The following ADGRB3 variants were observed in gnomAD, a reference collection of about 807,000 sequenced individuals.
ADGRB3 encodes brain-specific angiogenesis inhibitor 3.
A neutral mutation model predicts 193.4 loss-of-function variants in ADGRB3; 37 were observed. The observed-to-expected ratio is 0.19, with a 90% CI of 0.15 to 0.25. The LOEUF (loss-of-function observed/expected upper bound fraction) is 0.25. Ranked by LOEUF, ADGRB3 falls within the 10% of genes least tolerant of loss-of-function variation. The pLI is 1.00. For missense variants in ADGRB3, 1,637 were observed against 1,852.9 expected (o/e 0.88, Z 2.14); for synonymous variants, 690 against 644.2 (o/e 1.07, Z -1.08).
At chr6:68,831,321 AAAAAG>A (rs769680962) in intron 3 of ADGRB3, among the ~76,000 whole-genome samples, 1 of 135,742 alleles carries the variant, frequency 7.4e-6, no homozygotes, top group Non-Finnish European at 1.6e-5. Context: ...AAAAAAAAAA[AAAAAG>A]CTGATTTTAC....
chr6:69,266,973 AT>A (rs745506671), intron 20 of ADGRB3, among the ~76,000 whole-genome samples: 1 of 152,014 alleles, frequency 6.6e-6, no homozygotes, highest in Non-Finnish European at 1.5e-5. Context: ...TTGCAGAAGT[AT>A]TTTTTGTATA....
intron 17 of ADGRB3, among the ~76,000 whole-genome samples, chr6:69,131,713 G>A (rs887396196): frequency 3.3e-5 from 5 of 151,896 alleles, no homozygotes; most frequent in Admixed American, 3.3e-4. Context: ...TGCCATGGTG[G>A]TTTGCTACAC....
intron 29 of ADGRB3, among the ~76,000 whole-genome samples, chr6:69,365,164 C>T (rs1769542130): frequency 1.3e-5 from 2 of 152,022 alleles, no homozygotes. Flanking sequence ...CACTCTTTTC[C>T]CTGTATCATT....
chr6:69,150,189 C>A (rs1774633042), intron 17 of ADGRB3, among the ~76,000 whole-genome samples: 1 of 152,086 alleles, frequency 6.6e-6, no homozygotes, highest in African/African-American at 2.4e-5. Flanking sequence ...TCTTTCCCTT[C>A]AGGGAAGCAA....
rs76231827 is a variant in ADGRB3 at position 69,007,050 on chromosome 6, G to A, written c.1930-6988G>A. ...TTCTTAGCTATGTTGTTGATCCCTC[G>A]TACTCAATTTGAACAAAACAAAGTT... On this transcript the variant is annotated intron_variant, in intron 11 of 31. Coordinates refer to ENST00000370598, the MANE Select transcript of ADGRB3 (RefSeq NM_001704.3). 2.4e-3 allele frequency among the ~76,000 whole-genome samples: 364 copies of A among 151,948 alleles called. 1 individual carries two copies. Among genetic ancestry groups the A allele is most frequent in the Admixed American group, 5.6e-3 (85 of 15,266 alleles).
At chr6:68,786,252 G>A (rs1766966821) in intron 3 of ADGRB3, among the ~76,000 whole-genome samples, 1 of 66,940 alleles carries the variant, frequency 1.5e-5, no homozygotes, top group African/African-American at 5.0e-5. Context: ...GAATGGTATT[G>A]CCTAGGTTTT....
chr6:69,330,976 A>C (rs1768711060), intron 23 of ADGRB3, among the ~76,000 whole-genome samples: 1 of 152,182 alleles, frequency 6.6e-6, no homozygotes, highest in Admixed American at 6.5e-5. Context: ...CCTATCAAAT[A>C]TCTAAAGGAA....
intron 13 of ADGRB3, among the ~76,000 whole-genome samples, chr6:69,030,953 CTTT>C (rs10716661): frequency 2.2e-4 from 8 of 36,228 alleles, no homozygotes; most frequent in African/African-American, 1.2e-3. Flanking sequence ...CTTTTCTTTT[CTTT>C]TTTTCTTTTC....
Position 69,354,261 on chromosome 6 carries a change from G to A in ADGRB3, c.3488G>A (p.Arg1163Lys). 6.2e-7 allele frequency: 1 copy of A among 1,614,002 alleles called. No individual in the cohort carries two copies. Among genetic ancestry groups the A allele is most frequent in the Non-Finnish European group, 8.5e-7 (1 of 1,179,928 alleles). Residue 1163 changes from arginine (R) to lysine (K), a missense_variant, in exon 27 of 32, where the codon AGA (arginine) becomes AAA (lysine). Transcript: ENST00000370598. The part of the protein sequence containing the change: ...EVQDAFRCRL[R>K]NCQDPINADS... ...CAGGATGCATTTAGATGCCGATTGA[G>A]AAACTGTCAGGATCCCATCAATGCA... is the stretch of plus-strand genomic sequence containing the variant.
chr6:69,379,492 A>C lies in ADGRB3; in HGVS notation c.4276-3339A>C, dbSNP rs184901330. Among the ~76,000 whole-genome samples, 12 of 152,178 alleles carry C rather than the reference A, an allele frequency of 7.9e-5. 1 individual carries two copies. In the East Asian group the frequency reaches 1.7e-3, roughly 22 times the overall value. On this transcript the variant is annotated intron_variant, in intron 30 of 31. Transcript: ENST00000370598. Reference sequence around the variant, plus strand: ...AAATACTCACACAAGTAAATAAATAAGAGGAAACCTTTAGTACATGTGAAA... The same window carrying C: ...AAATACTCACACAAGTAAATAAATACGAGGAAACCTTTAGTACATGTGAAA...
At chr6:68,721,873 T>C (rs1441345532) in intron 3 of ADGRB3, among the ~76,000 whole-genome samples, 3 of 151,254 alleles carry the variant, frequency 2.0e-5, no homozygotes, top group Middle Eastern at 3.4e-3. Context: ...ACAATAAAAA[T>C]AAATGTTTAG....
intron 3 of ADGRB3, among the ~76,000 whole-genome samples, chr6:68,911,328 T>A (rs974763181): frequency 4.6e-5 from 7 of 151,288 alleles, no homozygotes; most frequent in African/African-American, 1.7e-4. Context: ...AATAACGAGT[T>A]AATGGGTGCA....
intron 17 of ADGRB3, among the ~76,000 whole-genome samples, chr6:69,116,016 G>A (rs1015464618): frequency 1.3e-5 from 2 of 152,100 alleles, no homozygotes; most frequent in Non-Finnish European, 2.9e-5. Context: ...TATCGAGCAG[G>A]GCATTCAGGT....
chr6:69,217,014 T>C (rs1512232), intron 17 of ADGRB3, among the ~76,000 whole-genome samples: 21,769 of 152,096 alleles, frequency 0.14, 1,603 homozygotes, highest in Middle Eastern at 0.16. Flanking sequence ...GGAAAAGACA[T>C]TTAGGAGGCA....
intron 17 of ADGRB3, among the ~76,000 whole-genome samples, chr6:69,224,225 A>G (rs1350201837): frequency 6.6e-6 from 1 of 152,102 alleles, no homozygotes; most frequent in Non-Finnish European, 1.5e-5. Context: ...GAGCTAGTTG[A>G]TATTAAATTG....
At chr6:68,851,148 C>G (rs984919674) in intron 3 of ADGRB3, among the ~76,000 whole-genome samples, 1 of 151,900 alleles carries the variant, frequency 6.6e-6, no homozygotes, top group African/African-American at 2.4e-5. Flanking sequence ...TGTTTAGCCT[C>G]TTCCTACTAT....
chr6:68,787,956 T>C (rs1008862017), intron 3 of ADGRB3, among the ~76,000 whole-genome samples: 8 of 152,222 alleles, frequency 5.3e-5, no homozygotes, highest in African/African-American at 1.7e-4. Flanking sequence ...GTGTTTATAG[T>C]ATTCTCTGAT....
At chr6:69,351,739 T>G (rs991243458) in intron 26 of ADGRB3, among the ~76,000 whole-genome samples, 2 of 152,176 alleles carry the variant, frequency 1.3e-5, no homozygotes, top group African/African-American at 4.8e-5. Context: ...TGGATTTCTT[T>G]TACATCTCCT....
chr6:69,016,411 A>G (rs938639944), intron 12 of ADGRB3, among the ~76,000 whole-genome samples: 7 of 151,976 alleles, frequency 4.6e-5, no homozygotes, highest in African/African-American at 1.7e-4. Context: ...ATAGCCAAAC[A>G]GTGTCCTCAA....
Sources: gnomAD v4.1 joint callset for allele counts (sites outside exome capture counted in the v4.1 genomes callset) on GRCh38, gnomAD v4.1.1 for gene constraint, MANE v1.5 for transcripts, NCBI Gene and HGNC (gene_info 2026-07-23, HGNC 2026-07-21) for gene names.